The following BTBD7 variants were observed in gnomAD, a reference collection of about 807,000 sequenced individuals.
BTBD7 encodes BTB/POZ domain-containing protein 7.
Under a neutral mutation model 99.9 loss-of-function variants are expected in BTBD7, and 38 were observed. The ratio of observed to expected loss-of-function variants is 0.38; its 90% CI spans 0.29 to 0.50. BTBD7 has a LOEUF of 0.50. BTBD7 is among the 20% of genes least tolerant of loss of function. The pLI, the probability that BTBD7 is intolerant of heterozygous loss-of-function variation, is 0.93. For synonymous variants in BTBD7, 520 were observed against 511.4 expected, an observed-to-expected ratio of 1.02 and a Z score of -0.23; for missense variants, 1,170 against 1,394.6, an observed-to-expected ratio of 0.84 and a Z score of 2.57.
intron 1 of BTBD7, among the ~76,000 whole-genome samples, chr14:93,298,686 CT>C (rs1314622247): frequency 6.6e-6 from 1 of 151,842 alleles, no homozygotes; most frequent in Non-Finnish European, 1.5e-5. Context: ...TCAAAAATCC[CT>C]TTTTTTAAAA....
At chr14:93,274,476 A>G (rs2052633865) in intron 3 of BTBD7, among the ~76,000 whole-genome samples, 1 of 152,152 alleles carries the variant, frequency 6.6e-6, no homozygotes, top group African/African-American at 2.4e-5. Flanking sequence ...TATTGGAAAC[A>G]CTTTTCCAAT....
chr14:93,255,441 T>A, intron 6 of BTBD7: 1 of 152,034 alleles, frequency 6.6e-6, no homozygotes, highest in Non-Finnish European at 1.5e-5. Context: ...GCAGAGTCTT[T>A]ACCAAATGAA....
intron 1 of BTBD7, among the ~76,000 whole-genome samples, chr14:93,332,511 G>A (rs2053451649): frequency 6.6e-6 from 1 of 151,570 alleles, no homozygotes; most frequent in Non-Finnish European, 1.5e-5. Flanking sequence ...CCGGGCTGCC[G>A]TCGCGACTCC....
chr14:93,288,859 C>T, intron 3 of BTBD7: 1 of 1,162,464 alleles, frequency 8.6e-7, no homozygotes, highest in Non-Finnish European at 1.2e-6. Context: ...TTGTATTTGC[C>T]TGGCTGGTAT....
In BTBD7 at chr14:93,263,795, T is replaced by C. The variant is rs760812473; in HGVS notation, c.1361A>G (p.Asp454Gly). The change falls in exon 4 of 11, where the codon GAC becomes GGC. Residue 454 changes from aspartate (D) to glycine (G), a missense_variant. Physicochemically the swap from Asp to Gly is moderately conservative, Grantham distance 94. Transcript: ENST00000334746. ...TGTTTAAATGATTACCTGTAGGTAG[T>C]CAGACTGGATAGCAGTAAGCAGATG... ...KDHLLTAIQS[D>G]YLQASEQDIL... 1 of 1,613,874 alleles carries C rather than the reference T, an allele frequency of 6.2e-7. No individual in the cohort carries two copies. The highest frequency in any genetic ancestry group is 1.1e-5 in the South Asian group (1 of 91,074).
Position 93,242,079 on chromosome 14 carries a change from GC to G in BTBD7, c.*193del. ...TTGTTCAAAGACAAATTAGACAGATGCAACATTAAAAAAAAAAAACAAAACC... is the reference window on the plus strand; with the variant it reads ...TTGTTCAAAGACAAATTAGACAGATGAACATTAAAAAAAAAAAACAAAACC... On this transcript the variant is annotated 3_prime_UTR_variant, in exon 11 of 11. Coordinates refer to ENST00000334746, the MANE Select transcript of BTBD7 (RefSeq NM_001002860.4). 2 of 560,396 alleles carry G rather than the reference GC, an allele frequency of 3.6e-6. No homozygotes were observed. The highest frequency in any genetic ancestry group is 3.2e-5 in the Admixed American group (1 of 30,806). The allele number at this position is 560,396 out of a possible 1,614,324, so 34.7% of individuals were successfully genotyped here.
intron 3 of BTBD7, among the ~76,000 whole-genome samples, chr14:93,282,621 G>A (rs1034943740): frequency 1.1e-4 from 17 of 152,062 alleles, no homozygotes; most frequent in African/African-American, 3.6e-4. Context: ...ACGAGCCACC[G>A]CACCCGGCCT....
intron 3 of BTBD7, among the ~76,000 whole-genome samples, chr14:93,272,678 A>G (rs561020927): frequency 6.6e-6 from 1 of 152,324 alleles, no homozygotes; most frequent in African/African-American, 2.4e-5. Context: ...CTACAAATCT[A>G]TTTTTAAAAG....
chr14:93,306,426 ACCT>A (rs201144553), intron 1 of BTBD7, among the ~76,000 whole-genome samples: 2,415 of 149,902 alleles, frequency 0.016, 70 homozygotes, highest in African/African-American at 0.057. Context: ...CAACAAAACA[ACCT>A]CATCTCTCTT....
At chr14:93,265,706 G>A (rs1190639917) in intron 3 of BTBD7, among the ~76,000 whole-genome samples, 5 of 152,262 alleles carry the variant, frequency 3.3e-5, no homozygotes, top group Admixed American at 3.3e-4. Context: ...TGGATCACCT[G>A]AGGTCAGGAG....
intron 3 of BTBD7, among the ~76,000 whole-genome samples, chr14:93,285,903 A>C (rs1466303133): frequency 6.6e-6 from 1 of 152,236 alleles, no homozygotes; most frequent in Non-Finnish European, 1.5e-5. Flanking sequence ...CTCAAAGGAC[A>C]CTATTAATCT....
intron 1 of BTBD7, among the ~76,000 whole-genome samples, chr14:93,298,296 G>A (rs1370363861): frequency 6.6e-6 from 1 of 152,088 alleles, no homozygotes; most frequent in African/African-American, 2.4e-5. Context: ...GATGCCACAC[G>A]TTGAGCATCC....
chr14:93,276,512 A>T (rs1019121380), intron 3 of BTBD7, among the ~76,000 whole-genome samples: 1 of 151,822 alleles, frequency 6.6e-6, no homozygotes. Context: ...AAGTTAAATT[A>T]AAAAAAAGTA....
At chr14:93,300,904 G>A (rs183427652) in intron 1 of BTBD7, among the ~76,000 whole-genome samples, 7 of 151,450 alleles carry the variant, frequency 4.6e-5, no homozygotes, top group African/African-American at 1.7e-4. Context: ...GTGTGACCAC[G>A]GTGCCCAGCT....
At chr14:93,266,629 T>C (rs1431980013) in intron 3 of BTBD7, among the ~76,000 whole-genome samples, 1 of 152,014 alleles carries the variant, frequency 6.6e-6, no homozygotes, top group Admixed American at 6.6e-5. Flanking sequence ...AGGATCCTTC[T>C]AGAAAGTGTC....
At chr14:93,291,648 A>G (rs2139762662) in intron 3 of BTBD7, among the ~76,000 whole-genome samples, 2 of 151,676 alleles carry the variant, frequency 1.3e-5, no homozygotes, top group Admixed American at 1.3e-4. Context: ...GAAAAAGAAG[A>G]GCATATATAT....
At position 93,262,806 on chromosome 14, in the gene BTBD7, T is replaced by C. The variant is rs185070865; in HGVS notation, c.1371+979A>G. 3.1e-3 allele frequency among the ~76,000 whole-genome samples: 469 copies of C among 151,804 alleles called. 1 individual carries two copies. The highest frequency in any genetic ancestry group is 5.1e-3 in the Non-Finnish European group (347 of 67,956). ...TGTTTTTTTTTTTTTTAATACTTTCTAAGAAGGAATGCAAAGCTCCTAAAG... is the reference window on the plus strand; with the variant it reads ...TGTTTTTTTTTTTTTTAATACTTTCCAAGAAGGAATGCAAAGCTCCTAAAG... On this transcript the variant is annotated intron_variant, in intron 4 of 10. Transcript: ENST00000334746.
chr14:93,279,395 T>C (rs1317698255), intron 3 of BTBD7, among the ~76,000 whole-genome samples: 1 of 152,134 alleles, frequency 6.6e-6, no homozygotes, highest in African/African-American at 2.4e-5. Flanking sequence ...CCAGGTCTCA[T>C]TGTCTGGGAA....
At chr14:93,332,032 C>T (rs545348262) in intron 1 of BTBD7, among the ~76,000 whole-genome samples, 1 of 152,182 alleles carries the variant, frequency 6.6e-6, no homozygotes, top group South Asian at 2.1e-4. Flanking sequence ...CTCCAGAGTA[C>T]TTATTATCTG....
Sources: gnomAD v4.1 joint callset for allele counts (sites outside exome capture counted in the v4.1 genomes callset) on GRCh38, gnomAD v4.1.1 for gene constraint, MANE v1.5 for transcripts, NCBI Gene and HGNC (gene_info 2026-07-23, HGNC 2026-07-21) for gene names.